Variants in GLRA1 observed in about 807,000 individuals in gnomAD.
GLRA1 encodes the protein glycine receptor alpha 1, also known as glycine receptor subunit alpha-1.
A neutral mutation model predicts 48.3 loss-of-function variants in GLRA1; 37 were observed. That is an observed-to-expected ratio of 0.77 (90% CI 0.59 to 1.01). The LOEUF is 1.01. GLRA1 is among the 50% of genes least tolerant of loss of function. The probability of loss-of-function intolerance (pLI) is 0.00; values close to 1 mark genes in which losing one functional copy is unlikely to be tolerated. For missense variants in GLRA1, 427 were observed against 571.0 expected (o/e 0.75, Z 2.57); for synonymous variants, 196 against 210.7 (o/e 0.93, Z 0.60).
At chr5:151,844,670 G>A (rs1334914218) in intron 7 of GLRA1, among the ~76,000 whole-genome samples, 1 of 138,576 alleles carries the variant, frequency 7.2e-6, no homozygotes, top group African/African-American at 2.7e-5. Flanking sequence ...CACCAAAAGC[G>A]TAAGCAACAA....
At chr5:151,842,750 A>G (rs1763742032) in intron 7 of GLRA1, among the ~76,000 whole-genome samples, 1 of 152,174 alleles carries the variant, frequency 6.6e-6, no homozygotes, top group Admixed American at 6.5e-5. Flanking sequence ...TAGCCAGGGA[A>G]ATTAGTTGAG....
At chr5:151,855,007 G>T in intron 6 of GLRA1, 33 bp downstream of exon 6, 1 of 1,609,642 alleles carries the variant, frequency 6.2e-7, no homozygotes, top group Non-Finnish European at 8.5e-7. Context: ...TGGTTGGGGG[G>T]TGGGATCTGA....
At chr5:151,833,235 C>T (rs1179455868) in intron 7 of GLRA1, among the ~76,000 whole-genome samples, 1 of 152,278 alleles carries the variant, frequency 6.6e-6, no homozygotes, top group Non-Finnish European at 1.5e-5. Context: ...GAAGAAACCA[C>T]ATCAACTAAT....
intron 7 of GLRA1, among the ~76,000 whole-genome samples, chr5:151,830,041 G>C (rs1763384947): frequency 6.6e-6 from 1 of 152,162 alleles, no homozygotes; most frequent in South Asian, 2.1e-4. Context: ...CCATGTACAA[G>C]TTTCTGCACA....
chr5:151,853,690 G>T (rs552220787), intron 6 of GLRA1, among the ~76,000 whole-genome samples: 4 of 151,862 alleles, frequency 2.6e-5, no homozygotes, highest in African/African-American at 9.7e-5. Context: ...AGTGTCTTTT[G>T]ATGCACTTTT....
At position 151,824,896 on chromosome 5, in the gene GLRA1, T is replaced by C. The variant is rs186632931; in HGVS notation, c.1060-1933A>G. The stretch of plus-strand genomic sequence containing the variant: ...TGGTTCATAAGCTCAAAACTTGGTA[T>C]ATGTTTGTTGAACAAATGTTTACTT... On this transcript the variant is annotated intron_variant, in intron 8 of 8. Transcript: ENST00000274576. Among the ~76,000 whole-genome samples, 13 of 152,382 alleles carry C rather than the reference T, an allele frequency of 8.5e-5. 1 individual carries two copies. Among genetic ancestry groups the C allele is most frequent in the Admixed American group, 7.2e-4 (11 of 15,306 alleles).
chr5:151,867,721 A>G (rs1056837950), intron 3 of GLRA1, among the ~76,000 whole-genome samples: 1 of 152,206 alleles, frequency 6.6e-6, no homozygotes, highest in East Asian at 1.9e-4. Context: ...CACAGTTAGG[A>G]AAGAGTGGGG....
chr5:151,872,121 A>G lies in GLRA1; in HGVS notation c.253-12113T>C, dbSNP rs181344974. 2.7e-5 allele frequency among the ~76,000 whole-genome samples: 4 copies of G among 149,810 alleles called. 1 individual carries two copies. The highest frequency in any genetic ancestry group is 1.0e-4 in the African/African-American group (4 of 39,094). Reference sequence around the variant, plus strand: ...AGTTTATGAAAAAGATAGCATTTCAAATTAGTAGAAAAACAGTGACTGTTT... The same window carrying G: ...AGTTTATGAAAAAGATAGCATTTCAGATTAGTAGAAAAACAGTGACTGTTT... On this transcript the variant is annotated intron_variant, in intron 3 of 8. Transcript: ENST00000274576.
At chr5:151,904,076 G>A (rs557426738) in intron 1 of GLRA1, among the ~76,000 whole-genome samples, 78 of 152,266 alleles carry the variant, frequency 5.1e-4, no homozygotes, top group African/African-American at 1.7e-3. Context: ...GGAGAATTCA[G>A]GAAAAGTATC....
chr5:151,827,985 G>A (rs1208545031), intron 8 of GLRA1, among the ~76,000 whole-genome samples: 1 of 152,132 alleles, frequency 6.6e-6, no homozygotes, highest in Admixed American at 6.5e-5. Flanking sequence ...CATTGTGTTA[G>A]GCACCAGGGA....
At chr5:151,842,988 A>G (rs1239246579) in intron 7 of GLRA1, among the ~76,000 whole-genome samples, 3 of 152,216 alleles carry the variant, frequency 2.0e-5, no homozygotes, top group Non-Finnish European at 4.4e-5. Flanking sequence ...AATTCAATTT[A>G]TATAGCATAA....
intron 7 of GLRA1, among the ~76,000 whole-genome samples, chr5:151,834,177 TCTC>T (rs1424342487): frequency 6.6e-6 from 1 of 152,194 alleles, no homozygotes; most frequent in Non-Finnish European, 1.5e-5. Flanking sequence ...TATACCTTCT[TCTC>T]AGCAACACAT....
intron 3 of GLRA1, among the ~76,000 whole-genome samples, chr5:151,879,803 G>C (rs1753717481): frequency 6.6e-6 from 1 of 152,150 alleles, no homozygotes; most frequent in Non-Finnish European, 1.5e-5. Flanking sequence ...CGAAATATGA[G>C]GACATGAGAT....
At chr5:151,859,488 C>CA (rs1753137306) in intron 4 of GLRA1, among the ~76,000 whole-genome samples, 20 of 152,232 alleles carry the variant, frequency 1.3e-4, no homozygotes, top group Admixed American at 1.3e-3. Flanking sequence ...CTTGAATACT[C>CA]TTTCCTATCT....
intron 3 of GLRA1, among the ~76,000 whole-genome samples, chr5:151,878,337 G>A (rs1012926068): frequency 2.0e-5 from 3 of 152,216 alleles, no homozygotes; most frequent in African/African-American, 7.2e-5. Context: ...TGTGGTTGCT[G>A]TTAAAGGCAC....
intron 7 of GLRA1, among the ~76,000 whole-genome samples, chr5:151,832,840 A>G (rs1763459974): frequency 6.6e-6 from 1 of 152,194 alleles, no homozygotes; most frequent in Non-Finnish European, 1.5e-5. Flanking sequence ...CGCAAGACAC[A>G]TAATTGTCAG....
intron 3 of GLRA1, among the ~76,000 whole-genome samples, chr5:151,877,299 A>G (rs1274950237): frequency 6.6e-6 from 1 of 152,226 alleles, no homozygotes; most frequent in African/African-American, 2.4e-5. Context: ...TAGATGAGTG[A>G]TAAATGAATC....
chr5:151,878,021 T>C (rs964549264), intron 3 of GLRA1, among the ~76,000 whole-genome samples: 8 of 151,948 alleles, frequency 5.3e-5, no homozygotes, highest in African/African-American at 1.7e-4. Flanking sequence ...CAGGCAGAGG[T>C]TGGGACGGTT....
intron 7 of GLRA1, among the ~76,000 whole-genome samples, chr5:151,842,614 C>T (rs1048946258): frequency 6.6e-6 from 1 of 152,170 alleles, no homozygotes; most frequent in Non-Finnish European, 1.5e-5. Context: ...CTGTAAAGGG[C>T]ATCTATGTAA....
Sources: gnomAD v4.1 joint callset for allele counts (sites outside exome capture counted in the v4.1 genomes callset) on GRCh38, gnomAD v4.1.1 for gene constraint, MANE v1.5 for transcripts, NCBI Gene and HGNC (gene_info 2026-07-23, HGNC 2026-07-21) for gene names.